KLRK1: variants seen among roughly 807,000 people sequenced by gnomAD.
KLRK1 encodes the protein NKG2-D type II integral membrane protein.
Under a neutral mutation model 31.3 loss-of-function variants are expected in KLRK1, and 40 were observed. The ratio of observed to expected loss-of-function variants is 1.28; its 90% CI spans 0.99 to 1.67. The LOEUF is 1.67. KLRK1 is among the 40% of genes most tolerant of loss of function. The pLI is 0.00. For missense variants in KLRK1, 251 were observed against 260.0 expected (o/e 0.97, Z 0.24); for synonymous variants, 77 against 77.3 (o/e 1.00, Z 0.02).
At chr12:10,380,500 T>C (rs1863055550) in intron 3 of KLRK1, among the ~76,000 whole-genome samples, 1 of 152,070 alleles carries the variant, frequency 6.6e-6, no homozygotes, top group Non-Finnish European at 1.5e-5. Flanking sequence ...ACACATTGAA[T>C]AGAGTGTTGA....
intron 3 of KLRK1, chr12:10,382,227 A>C (rs1158852572): frequency 1.3e-5 from 2 of 152,284 alleles, no homozygotes; most frequent in African/African-American, 4.8e-5. Flanking sequence ...GATATGAATA[A>C]CCAAATACCG....
intron 3 of KLRK1, 178 bp from the exon 4 acceptor site, chr12:10,379,970 A>C (rs1294682047): frequency 2.3e-6 from 1 of 431,310 alleles, no homozygotes; most frequent in African/African-American, 2.0e-5. Context: ...AAACTAGAGT[A>C]CAACAATGTA....
At chr12:10,379,514 G>A (rs1249155359) in intron 4 of KLRK1, 32 bp from the exon 5 acceptor site, 1 of 1,386,054 alleles carries the variant, frequency 7.2e-7, no homozygotes, top group Admixed American at 2.1e-5. Context: ...TTAAAAGTTT[G>A]TATTGTTAGT....
intron 2 of KLRK1, 95 bp downstream of exon 2, chr12:10,388,676 A>T: frequency 7.3e-7 from 1 of 1,374,898 alleles, no homozygotes; most frequent in African/African-American, 1.4e-5. Context: ...AATCAGAGTA[A>T]ATTGCTTGCC....
At chr12:10,373,258 A>T (rs767127497) in intron 7 of KLRK1, 27 bp from the exon 8 acceptor site, 6 of 1,534,292 alleles carry the variant, frequency 3.9e-6, no homozygotes, top group South Asian at 3.8e-5. Flanking sequence ...TACAAATTAC[A>T]TACATGATTT....
chr12:10,378,748 A>G, intron 5 of KLRK1, 43 bp from the exon 6 acceptor site: 1 of 1,533,782 alleles, frequency 6.5e-7, no homozygotes, highest in Non-Finnish European at 8.7e-7. Context: ...CATCTGAACC[A>G]TTATAGCAGA....
intron 3 of KLRK1, 86 bp from the exon 4 acceptor site, chr12:10,379,878 T>TA: frequency 2.4e-6 from 3 of 1,246,136 alleles, no homozygotes; most frequent in Non-Finnish European, 3.2e-6. Context: ...TAGAGTTTTT[T>TA]AAATGAGAAG....
intron 3 of KLRK1, among the ~76,000 whole-genome samples, chr12:10,382,964 G>A (rs753841891): frequency 6.6e-6 from 1 of 151,586 alleles, no homozygotes; most frequent in Non-Finnish European, 1.5e-5. Context: ...GCTATAAGAT[G>A]TCCTTGTAAG....
intron 3 of KLRK1, among the ~76,000 whole-genome samples, chr12:10,384,917 T>C (rs1218539045): frequency 1.3e-5 from 2 of 151,906 alleles, no homozygotes; most frequent in African/African-American, 4.8e-5. Context: ...AAAAACTGAT[T>C]TGAAAATGAG....
rs1591586196 is a variant in KLRK1 at position 10,386,508 on chromosome 12, TTCAC to T, written c.148+391_148+394del. On this transcript the variant is annotated intron_variant, in intron 3 of 7. Coordinates refer to ENST00000240618, the MANE Select transcript of KLRK1 (RefSeq NM_007360.4). ...AAAAGTCATTGGAGAATATATCTTC[TTCAC>T]TGAACTCAGAAACAATTCTATAAAT... is the stretch of plus-strand genomic sequence containing the variant. 2.0e-5 allele frequency among the ~76,000 whole-genome samples: 3 copies of T among 152,182 alleles called. No homozygotes were observed. In the East Asian group the frequency reaches 5.8e-4, roughly 29 times the overall value.
intron 7 of KLRK1, among the ~76,000 whole-genome samples, chr12:10,374,397 C>CTTTTTTTTTTTTTTTTT (rs35414446): frequency 1.5e-5 from 2 of 131,858 alleles, no homozygotes; most frequent in African/African-American, 6.1e-5. Flanking sequence ...TCCTCTCTCT[C>CTTTTTTTTTTTTTTTTT]TTTTTTTTTT....
chr12:10,386,829 C>T, intron 3 of KLRK1, 74 bp downstream of exon 3: 1 of 1,102,440 alleles, frequency 9.1e-7, no homozygotes. Context: ...GAATGATTGC[C>T]ATTCATTTAA....
intron 7 of KLRK1, among the ~76,000 whole-genome samples, chr12:10,375,044 TAA>T (rs11415103): frequency 6.6e-6 from 1 of 151,798 alleles, no homozygotes; most frequent in Non-Finnish European, 1.5e-5. Flanking sequence ...TTTTTTCTGT[TAA>T]AAAAACTCTC....
chr12:10,380,885 G>A (rs910217234), intron 3 of KLRK1, among the ~76,000 whole-genome samples: 12 of 152,084 alleles, frequency 7.9e-5, no homozygotes, highest in Non-Finnish European at 1.8e-4. Context: ...ACCAAAGTAC[G>A]CTCTGCCCTG....
intron 3 of KLRK1, among the ~76,000 whole-genome samples, chr12:10,385,145 T>G (rs1166501346): frequency 6.6e-6 from 1 of 152,030 alleles, no homozygotes. Flanking sequence ...TTGGTGGGAA[T>G]GTAAATTAGT....
rs1565490066 is a variant in KLRK1 at position 10,373,122 on chromosome 12, TC to T, written c.642del (p.Thr215LeufsTer10). On this transcript the variant is annotated frameshift_variant, in exon 8 of 8. Coordinates refer to ENST00000240618, the MANE Select transcript of KLRK1 (RefSeq NM_007360.4). LOFTEE classifies it high-confidence loss of function. ...GAGATGGTTGATCATCTTTACACAG[TC>T]CTTTGCATGCAGATGTACGTATTTG... is the stretch of plus-strand genomic sequence containing the variant. The part of the protein sequence containing the change: ...STPNTYICMQ[R>X]TV 3 of 1,612,380 alleles carry T rather than the reference TC, an allele frequency of 1.9e-6. No homozygotes were observed. Among genetic ancestry groups the T allele is most frequent in the Non-Finnish European group, 2.5e-6 (3 of 1,179,232 alleles).
intron 1 of KLRK1, 44 bp from the exon 2 acceptor site, chr12:10,388,919 C>T (rs1434877653): frequency 5.3e-6 from 7 of 1,317,620 alleles, no homozygotes; most frequent in African/African-American, 3.0e-5. Flanking sequence ...TTCTCTTTCC[C>T]GTGGTGAGAT....
At chr12:10,380,910 C>T (rs965732209) in intron 3 of KLRK1, among the ~76,000 whole-genome samples, 3 of 152,098 alleles carry the variant, frequency 2.0e-5, no homozygotes, top group Admixed American at 6.5e-5. Context: ...CTAATAGTTC[C>T]TTTATCTTCG....
chr12:10,375,733 T>TCA (rs1223685277), intron 7 of KLRK1, among the ~76,000 whole-genome samples: 1 of 152,188 alleles, frequency 6.6e-6, no homozygotes, highest in Non-Finnish European at 1.5e-5. Flanking sequence ...AAGAAATTAC[T>TCA]GAACAGTGTA....
Sources: gnomAD v4.1 joint callset for allele counts (sites outside exome capture counted in the v4.1 genomes callset) on GRCh38, gnomAD v4.1.1 for gene constraint, MANE v1.5 for transcripts, NCBI Gene and HGNC (gene_info 2026-07-23, HGNC 2026-07-21) for gene names.